KCNC4: variants seen among roughly 807,000 people sequenced by gnomAD.
The protein encoded by KCNC4 is potassium voltage-gated channel subfamily C member 4, also known as voltage-gated potassium channel KCNC4.
In KCNC4, 23 loss-of-function variants were observed where a neutral mutation model predicts 42.8. That is an observed-to-expected ratio of 0.54 (90% CI 0.39 to 0.76). The LOEUF (loss-of-function observed/expected upper bound fraction) is 0.76, where lower values mean the gene tolerates loss of function less well. Ranked by LOEUF, KCNC4 falls within the 30% of genes least tolerant of loss-of-function variation. The pLI is 0.00. For synonymous variants in KCNC4, 422 were observed against 393.5 expected (o/e 1.07, Z -0.86); for missense variants, 751 against 898.2 (o/e 0.84, Z 2.10).
At chr1:110,227,270 G>A (rs533536477) in intron 3 of KCNC4, among the ~76,000 whole-genome samples, 26 of 152,292 alleles carry the variant, frequency 1.7e-4, no homozygotes, top group African/African-American at 6.3e-4. Context: ...CTCTGAAGAT[G>A]TCCCAATGTC....
rs1571040634 is a variant in KCNC4 at position 110,223,837 on chromosome 1, A to G, written c.1552A>G (p.Ser518Gly). Residue 518 changes from serine (S) to glycine (G), a missense_variant, in exon 2 of 4, where the codon AGC (serine) becomes GGC (glycine). By Grantham distance (56) the Ser-to-Gly change is moderately conservative (BLOSUM62 0). Coordinates refer to ENST00000438661, the MANE Select transcript of KCNC4 (RefSeq NM_001039574.3). This position sits in a 1 kb window ranked among gnomAD's most constrained non-coding sequence, Gnocchi z 7.5. ...GTCTGAGGAGACTTCCCCCCGGGAC[A>G]GCACCTGCAGTGATACCAGCCCCCC... ...CKSEETSPRD[S>G]TCSDTSPPAR... 5 of 1,610,630 alleles carry G rather than the reference A, an allele frequency of 3.1e-6. No homozygotes were observed. The highest frequency in any genetic ancestry group is 2.2e-5 in the East Asian group (1 of 44,818).
chr1:110,273,514 C>A (rs1438431898), intron 1 of KCNC4, among the ~76,000 whole-genome samples: 1 of 152,212 alleles, frequency 6.6e-6, no homozygotes, highest in Non-Finnish European at 1.5e-5. Context: ...CCGAGCCTGG[C>A]ACTCAAAAAC....
intron 1 of KCNC4, among the ~76,000 whole-genome samples, chr1:110,277,953 A>G (rs1327420839): frequency 6.6e-6 from 1 of 152,194 alleles, no homozygotes; most frequent in Non-Finnish European, 1.5e-5. Context: ...GTTTGAGAGC[A>G]GCCTGCGCAA....
downstream of KCNC4, among the ~76,000 whole-genome samples, chr1:110,251,755 C>A (rs1659253677): frequency 6.6e-6 from 1 of 152,206 alleles, no homozygotes; most frequent in African/African-American, 2.4e-5. Context: ...CACAGCAACC[C>A]TATGAGAGGA....
intron 1 of KCNC4, among the ~76,000 whole-genome samples, chr1:110,258,587 T>C (rs1659375354): frequency 6.6e-6 from 1 of 152,216 alleles, no homozygotes; most frequent in Non-Finnish European, 1.5e-5. Flanking sequence ...CTTCAGCGTG[T>C]ATGTGTTGAT....
intron 1 of KCNC4, among the ~76,000 whole-genome samples, chr1:110,267,831 A>G (rs955499429): frequency 6.6e-6 from 1 of 152,216 alleles, no homozygotes; most frequent in African/African-American, 2.4e-5. Flanking sequence ...TATAACTATG[A>G]GAGGAATTTG....
At chr1:110,261,927 T>A (rs1164106651) in intron 1 of KCNC4, among the ~76,000 whole-genome samples, 1 of 152,252 alleles carries the variant, frequency 6.6e-6, no homozygotes, top group Non-Finnish European at 1.5e-5. Context: ...TTAAAGGTGA[T>A]GCTTTATTAT....
At chr1:110,269,383 T>C (rs1449415911) in intron 1 of KCNC4, among the ~76,000 whole-genome samples, 1 of 152,208 alleles carries the variant, frequency 6.6e-6, no homozygotes, top group African/African-American at 2.4e-5. Flanking sequence ...GGTGGTTTTA[T>C]TTTTCTCCCC....
At position 110,212,005 on chromosome 1, in the gene KCNC4, G is replaced by A. The variant is rs1440919428; in HGVS notation, c.506G>A (p.Ser169Asn). 6.2e-7 allele frequency: 1 copy of A among 1,605,038 alleles called. No individual in the cohort carries two copies. Among genetic ancestry groups the A allele is most frequent in the African/African-American group, 1.3e-5 (1 of 74,792 alleles). The change falls in exon 1 of 4, where the codon AGC becomes AAC. Residue 169 changes from serine to asparagine, a missense_variant. By Grantham distance (46) the Ser-to-Asn change is conservative (BLOSUM62 1). This residue lies in a region of KCNC4 where 183 missense variants were observed against 255.8 expected (regional missense o/e 0.72). Coordinates refer to ENST00000438661, the MANE Select transcript of KCNC4 (RefSeq NM_001039574.3). ...TTCGAGAGCCCGGACGGAGGCGGCA[G>A]CGGCGCGGGGCCCAGCGACGAGGCC... ...DIFESPDGGG[S>N]GAGPSDEAGD...
intron 3 of KCNC4, among the ~76,000 whole-genome samples, chr1:110,227,601 G>T (rs958798): frequency 0.19 from 28,749 of 152,122 alleles, 2,882 homozygotes; most frequent in African/African-American, 0.21. Context: ...CTCTCCCGCC[G>T]ACCATCCCAA....
intron 3 of KCNC4, among the ~76,000 whole-genome samples, chr1:110,227,917 T>C (rs1332098007): frequency 6.6e-6 from 1 of 152,172 alleles, no homozygotes; most frequent in Admixed American, 6.5e-5. Context: ...CCAGTATCCC[T>C]GGGGTGCCTG....
rs1049568288 is a variant in KCNC4, at chr1:110,223,392, G to A, written c.1107G>A (p.Val369=). The change falls in exon 2 of 4, where the codon GTG becomes GTA. Residue 369 remains valine (V), a synonymous_variant. Coordinates refer to ENST00000438661, the MANE Select transcript of KCNC4 (RefSeq NM_001039574.3). This position sits in a 1 kb window ranked among gnomAD's most constrained non-coding sequence, Gnocchi z 7.5. The part of the protein sequence containing the change: ...KLTRHFVGLR[V]LGHTLRASTN... ...CACGCCACTTCGTGGGGCTACGCGT[G>A]CTGGGCCACACCCTGAGGGCCAGCA... 3.1e-6 allele frequency: 5 copies of A among 1,613,956 alleles called. No individual in the cohort carries two copies. In the East Asian group the frequency reaches 1.1e-4, roughly 36 times the overall value.
downstream of KCNC4, among the ~76,000 whole-genome samples, chr1:110,249,982 C>A (rs574012065): frequency 3.9e-5 from 6 of 152,168 alleles, no homozygotes; most frequent in Non-Finnish European, 1.5e-5. Context: ...TGGAATCATA[C>A]GTTTTCAAGT....
chr1:110,278,854 T>C (rs866405376), intron 1 of KCNC4, among the ~76,000 whole-genome samples: 1 of 152,276 alleles, frequency 6.6e-6, no homozygotes, highest in Middle Eastern at 3.4e-3. Context: ...TCACTGGGCT[T>C]TTCTCACTGC....
At chr1:110,213,919 G>C (rs1488985052) in intron 1 of KCNC4, among the ~76,000 whole-genome samples, 1 of 152,244 alleles carries the variant, frequency 6.6e-6, no homozygotes, top group Non-Finnish European at 1.5e-5. Flanking sequence ...GCAGGGATGA[G>C]ATGAGGTGGT....
chr1:110,235,996 C>G (rs575244200), downstream of KCNC4: 9 of 152,246 alleles, frequency 5.9e-5, no homozygotes, highest in East Asian at 1.9e-4. Flanking sequence ...TGTAAAGCCT[C>G]GCGCACAGTG....
chr1:110,256,357 A>G (rs2101071045), intron 1 of KCNC4, among the ~76,000 whole-genome samples: 1 of 152,322 alleles, frequency 6.6e-6, no homozygotes, highest in African/African-American at 2.4e-5. Context: ...AGCCCAAAGA[A>G]TCTGTTAGAG....
At chr1:110,265,083 G>T (rs76114335) in intron 1 of KCNC4, among the ~76,000 whole-genome samples, 1 of 113,408 alleles carries the variant, frequency 8.8e-6, no homozygotes, top group Non-Finnish European at 1.8e-5. Flanking sequence ...CTCTGTCTCA[G>T]AAAAAAAAAA....
At chr1:110,275,296 C>A (rs1238173300) in intron 1 of KCNC4, among the ~76,000 whole-genome samples, 1 of 152,026 alleles carries the variant, frequency 6.6e-6, no homozygotes, top group Non-Finnish European at 1.5e-5. Context: ...TAATGCAAAT[C>A]AAAACCACAA....
Sources: gnomAD v4.1 joint callset for allele counts (sites outside exome capture counted in the v4.1 genomes callset) on GRCh38, gnomAD v4.1.1 for gene constraint, gnomAD v4.1.1 regional missense constraint, Gnocchi (gnomAD v3.1) non-coding constraint, MANE v1.5 for transcripts, NCBI Gene and HGNC (gene_info 2026-07-23, HGNC 2026-07-21) for gene names.